The following DNAH9 variants were observed in gnomAD, a reference collection of about 807,000 sequenced individuals.
The protein encoded by DNAH9 is DNAH9 variant protein.
In DNAH9, 345 loss-of-function variants were observed where a neutral mutation model predicts 471.6. That is an observed-to-expected ratio of 0.73 (90% confidence interval 0.67 to 0.80). The LOEUF is 0.80. Among genes scored for constraint, DNAH9 ranks in the 30% least tolerant of loss-of-function variants. DNAH9 has a pLI of 0.00. For synonymous variants in DNAH9, 2,093 were observed against 2,123.6 expected (o/e 0.99, Z 0.40); for missense variants, 5,407 against 5,609.2 (o/e 0.96, Z 1.15).
At chr17:11,718,997 T>TC (rs2075010147) in intron 26 of DNAH9, among the ~76,000 whole-genome samples, 1 of 152,028 alleles carries the variant, frequency 6.6e-6, no homozygotes. Context: ...ACAAGCTCAG[T>TC]CCTAGTGTGT....
chr17:11,741,944 T>G (rs1474464438), intron 29 of DNAH9, among the ~76,000 whole-genome samples: 2 of 152,228 alleles, frequency 1.3e-5, no homozygotes. Flanking sequence ...CGACTTCATT[T>G]CCTTTATCCT....
chr17:11,604,593 C>T (rs112369427), intron 1 of DNAH9, among the ~76,000 whole-genome samples: 24 of 152,304 alleles, frequency 1.6e-4, no homozygotes, highest in African/African-American at 4.6e-4. Flanking sequence ...GCTCCTGTAT[C>T]TTCTCTGAAG....
intron 54 of DNAH9, among the ~76,000 whole-genome samples, chr17:11,880,799 C>G (rs1972688871): frequency 6.6e-6 from 1 of 152,168 alleles, no homozygotes; most frequent in African/African-American, 2.4e-5. Context: ...CTTGGTTAAT[C>G]ATTTTCACCC....
At chr17:11,807,500 A>G (rs987175938) in intron 43 of DNAH9, among the ~76,000 whole-genome samples, 5 of 152,100 alleles carry the variant, frequency 3.3e-5, no homozygotes, top group African/African-American at 1.2e-4. Flanking sequence ...GGGCTCCCCC[A>G]GGCTGTCCCT....
chr17:11,824,395 G>C (rs1305148882), intron 48 of DNAH9, among the ~76,000 whole-genome samples: 1 of 152,086 alleles, frequency 6.6e-6, no homozygotes, highest in Non-Finnish European at 1.5e-5. Context: ...GGGATGCAGT[G>C]AGCCCTCGCA....
intron 67 of DNAH9, among the ~76,000 whole-genome samples, chr17:11,942,786 C>T (rs531732255): frequency 7.9e-5 from 12 of 152,284 alleles, no homozygotes; most frequent in Admixed American, 7.2e-4. Flanking sequence ...AAGTGCCTAG[C>T]ACAGAGCCTG....
intron 61 of DNAH9, among the ~76,000 whole-genome samples, chr17:11,913,537 C>T (rs1973852204): frequency 6.6e-6 from 1 of 152,134 alleles, no homozygotes; most frequent in Non-Finnish European, 1.5e-5. Flanking sequence ...AATCCCAGCA[C>T]TTTGGGAGGC....
chr17:11,760,823 C>CT (rs1226824930), intron 35 of DNAH9, among the ~76,000 whole-genome samples: 1 of 152,176 alleles, frequency 6.6e-6, no homozygotes, highest in Admixed American at 6.5e-5. Context: ...CGGCGGATGT[C>CT]TTTTCACTCT....
chr17:11,929,464 T>A (rs1974435098), intron 62 of DNAH9, among the ~76,000 whole-genome samples: 1 of 152,174 alleles, frequency 6.6e-6, no homozygotes, highest in Non-Finnish European at 1.5e-5. Flanking sequence ...GGCACAAGAA[T>A]CTGTATTTTA....
intron 48 of DNAH9, among the ~76,000 whole-genome samples, chr17:11,824,865 T>TCTTCTCCTTCTC (rs111768224): frequency 1.2e-4 from 18 of 151,548 alleles, no homozygotes; most frequent in African/African-American, 4.4e-4. Context: ...TTCAGTACTG[T>TCTTCTCCTTCTC]CTTCTCCTTC....
chr17:11,906,627 CAA>C (rs61461731), intron 61 of DNAH9, among the ~76,000 whole-genome samples: 13,897 of 97,300 alleles, frequency 0.14, 576 homozygotes, highest in East Asian at 0.26. Flanking sequence ...GACTCTGTCT[CAA>C]AAAAAAAAAA....
chr17:11,659,925 A>T (rs137889486), intron 14 of DNAH9, among the ~76,000 whole-genome samples: 2 of 152,220 alleles, frequency 1.3e-5, no homozygotes, highest in African/African-American at 4.8e-5. Context: ...CCCCAACATT[A>T]TGTGTCTATG....
intron 61 of DNAH9, among the ~76,000 whole-genome samples, chr17:11,916,830 G>C (rs1973976062): frequency 6.6e-6 from 1 of 152,086 alleles, no homozygotes; most frequent in Non-Finnish European, 1.5e-5. Context: ...TTTGTTCCTT[G>C]GTCCTTCCTC....
intron 10 of DNAH9, among the ~76,000 whole-genome samples, chr17:11,644,233 G>T (rs566799666): frequency 6.6e-6 from 1 of 152,318 alleles, no homozygotes; most frequent in South Asian, 2.1e-4. Flanking sequence ...ATGCCATTAT[G>T]TGGTGCATGA....
intron 38 of DNAH9, among the ~76,000 whole-genome samples, chr17:11,775,292 C>T (rs1264151114): frequency 6.6e-6 from 1 of 152,090 alleles, no homozygotes; most frequent in Admixed American, 6.5e-5. Context: ...TAAATGGAAG[C>T]TGTTATTATA....
chr17:11,883,009 C>G (rs1177246081), intron 55 of DNAH9: 1 of 985,530 alleles, frequency 1.0e-6, no homozygotes, highest in Non-Finnish European at 1.2e-6. Flanking sequence ...GACACTACAG[C>G]TGCCTGAAGT....
rs184398788 is a variant in DNAH9, at chr17:11,653,178, T to A, written c.2595+176T>A. ...GCTGATAGACTGGGCAAATGAAAAG[T>A]TGCATTTTGGTATCAATGTGTTGAA... On this transcript the variant is annotated intron_variant, in intron 14 of 68. Coordinates refer to ENST00000262442, the MANE Select transcript of DNAH9 (RefSeq NM_001372.4). Among the ~76,000 whole-genome samples the A allele has an allele frequency of 2.0e-5, 3 of 152,332 alleles. No homozygotes were observed. The East Asian group carries it at 5.8e-4, about 29-fold the overall frequency.
chr17:11,886,736 C>T (rs375053707), intron 56 of DNAH9, 89 bp from the exon 57 acceptor site: 44 of 1,483,538 alleles, frequency 3.0e-5, no homozygotes, highest in South Asian at 8.4e-5. Context: ...CCTAAGCAGA[C>T]GCATGTCTAC....
At chr17:11,604,964 T>A (rs934437273) in intron 1 of DNAH9, among the ~76,000 whole-genome samples, 2 of 152,148 alleles carry the variant, frequency 1.3e-5, no homozygotes. Flanking sequence ...CTTTCAATGA[T>A]GTCCATTTCT....
Sources: gnomAD v4.1 joint callset for allele counts (sites outside exome capture counted in the v4.1 genomes callset) on GRCh38, gnomAD v4.1.1 for gene constraint, MANE v1.5 for transcripts, NCBI Gene and HGNC (gene_info 2026-07-23, HGNC 2026-07-21) for gene names.